The following TRA2A variants were observed in gnomAD, a reference collection of about 807,000 sequenced individuals.
TRA2A encodes transformer-2 protein homolog alpha.
In TRA2A, 31 loss-of-function variants were observed where a neutral mutation model predicts 45.7. That is an observed-to-expected ratio of 0.68 (90% CI 0.51 to 0.92). TRA2A has a LOEUF of 0.92. Among genes scored for constraint, TRA2A ranks in the 40% least tolerant of loss-of-function variants. The probability of loss-of-function intolerance (pLI) is 0.00; values close to 1 mark genes in which losing one functional copy is unlikely to be tolerated. For missense variants in TRA2A, 304 were observed against 367.5 expected, an observed-to-expected ratio of 0.83 and a Z score of 1.41; for synonymous variants, 132 against 126.2, an observed-to-expected ratio of 1.05 and a Z score of -0.31.
chr7:23,518,230 T>C (rs1343014844), intron 2 of TRA2A, among the ~76,000 whole-genome samples: 1 of 152,028 alleles, frequency 6.6e-6, no homozygotes, highest in African/African-American at 2.4e-5. Context: ...CATAAAGTTC[T>C]ACATTCCCCT....
At chr7:23,530,139 A>G (rs1289631367) in intron 1 of TRA2A, among the ~76,000 whole-genome samples, 1 of 152,200 alleles carries the variant, frequency 6.6e-6, no homozygotes, top group East Asian at 1.9e-4. Context: ...ATCGATAATT[A>G]CTCAACATTT....
intron 1 of TRA2A, among the ~76,000 whole-genome samples, chr7:23,523,061 C>A (rs1240342488): frequency 6.6e-6 from 1 of 152,070 alleles, no homozygotes; most frequent in Non-Finnish European, 1.5e-5. Flanking sequence ...AAAATTTCCC[C>A]ATTAGCTTAT....
At chr7:23,507,668 C>A in intron 4 of TRA2A, 133 bp from the exon 5 acceptor site, 1 of 674,132 alleles carries the variant, frequency 1.5e-6, no homozygotes, top group Non-Finnish European at 2.7e-6. Context: ...GTAGCTTGTA[C>A]AGGGCATTGT....
chr7:23,513,657 A>AT lies in TRA2A; in HGVS notation c.337-576dup, dbSNP rs1244842396. Reference sequence around the variant, plus strand: ...GTAAAGAAATAGCACTTGAACATACATTTTTTTAGTAAGGCCATTTTTATT... The same window carrying AT: ...GTAAAGAAATAGCACTTGAACATACATTTTTTTTAGTAAGGCCATTTTTATT... On this transcript the variant is annotated intron_variant, in intron 3 of 7. Transcript: ENST00000297071. 2.0e-5 allele frequency among the ~76,000 whole-genome samples: 3 copies of AT among 151,984 alleles called. No individual in the cohort carries two copies. In the East Asian group the frequency reaches 5.8e-4, roughly 29 times the overall value.
intron 5 of TRA2A, among the ~76,000 whole-genome samples, chr7:23,506,975 C>T (rs1042154951): frequency 1.3e-5 from 2 of 152,106 alleles, no homozygotes; most frequent in African/African-American, 4.8e-5. Flanking sequence ...CGGGGTTTCA[C>T]CGTGGTCCCG....
In TRA2A at chr7:23,509,055, A is replaced by G. The variant is rs1036218306; in HGVS notation, c.526-1520T>C. 2.0e-5 allele frequency among the ~76,000 whole-genome samples: 3 copies of G among 151,820 alleles called. No homozygotes were observed. The South Asian group carries it at 6.2e-4, about 32-fold the overall frequency. On this transcript the variant is annotated intron_variant, in intron 4 of 7. Coordinates refer to ENST00000297071, the MANE Select transcript of TRA2A (RefSeq NM_013293.5). ...AGACCAAGTCTCCCTATGTTTCCCC[A>G]GGCTGGTCTCAAACTCCTGGGCTCA...
At chr7:23,506,049 A>C in intron 6 of TRA2A, 89 bp downstream of exon 6, 1 of 1,179,088 alleles carries the variant, frequency 8.5e-7, no homozygotes, top group Non-Finnish European at 1.2e-6. Context: ...TTAAAAATCA[A>C]GTTTTTATTC....
intron 5 of TRA2A, chr7:23,507,089 G>A (rs187520701): frequency 3.5e-5 from 8 of 229,458 alleles, no homozygotes; most frequent in East Asian, 9.2e-5. Context: ...CAGCCAGGAG[G>A]GTTGTATATT....
chr7:23,526,309 C>A (rs1039166497), intron 1 of TRA2A, among the ~76,000 whole-genome samples: 1 of 152,150 alleles, frequency 6.6e-6, no homozygotes, highest in Non-Finnish European at 1.5e-5. Flanking sequence ...TAAGGCCAGG[C>A]AAATTCTATG....
chr7:23,505,794 AAGG>A lies in TRA2A; in HGVS notation c.787_789del (p.Pro263del), dbSNP rs756450533. 1.9e-6 allele frequency: 3 copies of A among 1,556,700 alleles called. No individual in the cohort carries two copies. The highest frequency in any genetic ancestry group is 2.6e-6 in the Non-Finnish European group (3 of 1,155,954). ...GATCGTGATCTATATCGACTATAATAAGGAGAAGGTGATCGTCTTCTGTAAGAA... is the reference window on the plus strand; with the variant it reads ...GATCGTGATCTATATCGACTATAATAAGAAGGTGATCGTCTTCTGTAAGAA... On this transcript the variant is annotated inframe_deletion, in exon 7 of 8. Coordinates refer to ENST00000297071, the MANE Select transcript of TRA2A (RefSeq NM_013293.5).
chr7:23,505,430 G>C lies in TRA2A; in HGVS notation c.*129C>G. On this transcript the variant is annotated 3_prime_UTR_variant, in exon 8 of 8. Coordinates refer to ENST00000297071, the MANE Select transcript of TRA2A (RefSeq NM_013293.5). The stretch of plus-strand genomic sequence containing the variant: ...CAGCAACACAACTGACAAAAGTGTA[G>C]ATGCTAAATAAACCAAAGTTTTTTT... The C allele has an allele frequency of 2.0e-6, 1 of 501,316 alleles. No individual in the cohort carries two copies. The highest frequency in any genetic ancestry group is 2.2e-5 in the African/African-American group (1 of 45,234). The allele number at this position is 501,316 out of a possible 1,614,324, so 31.1% of individuals were successfully genotyped here.
At chr7:23,520,772 A>G (rs1409818401) in intron 2 of TRA2A, among the ~76,000 whole-genome samples, 1 of 149,984 alleles carries the variant, frequency 6.7e-6, no homozygotes, top group African/African-American at 2.5e-5. Flanking sequence ...GGTTCACTGC[A>G]ACCTCCGCCT....
At chr7:23,523,981 T>G (rs899914401) in intron 1 of TRA2A, among the ~76,000 whole-genome samples, 4 of 152,236 alleles carry the variant, frequency 2.6e-5, no homozygotes, top group Admixed American at 2.6e-4. Context: ...CTACGAACGC[T>G]GCTACAGTCC....
chr7:23,515,452 C>A (rs1322221819), intron 3 of TRA2A, among the ~76,000 whole-genome samples: 1 of 151,914 alleles, frequency 6.6e-6, no homozygotes, highest in South Asian at 2.1e-4. Context: ...CTCCTGACCT[C>A]GTGATCCGCC....
At chr7:23,530,773 GT>G (rs2128002293) in intron 1 of TRA2A, among the ~76,000 whole-genome samples, 1 of 152,246 alleles carries the variant, frequency 6.6e-6, no homozygotes, top group East Asian at 1.9e-4. Flanking sequence ...GGGGGATAGA[GT>G]GAGAAGAGAA....
rs184688904 is a variant in TRA2A, at chr7:23,517,721, C to T, written c.171-1193G>A. Among the ~76,000 whole-genome samples the T allele has an allele frequency of 4.1e-3, 615 of 150,840 alleles. 4 individuals carry two copies. The highest frequency in any genetic ancestry group is 0.01 in the Middle Eastern group (3 of 286). ...GAGGTCAAGAGATCGAGACCATCCT[C>T]GCCAACATGGTAAAACCCTGTCTCT... On this transcript the variant is annotated intron_variant, in intron 2 of 7. Transcript: ENST00000297071.
At chr7:23,522,570 A>C (rs996542873) in intron 1 of TRA2A, 31 of 183,436 alleles carry the variant, frequency 1.7e-4, no homozygotes, top group Admixed American at 3.2e-4. Context: ...AAAAAAAAAA[A>C]AAAACAATTT....
chr7:23,517,064 C>T (rs1466154483), intron 2 of TRA2A, among the ~76,000 whole-genome samples: 2 of 151,826 alleles, frequency 1.3e-5, no homozygotes, highest in African/African-American at 2.4e-5. Flanking sequence ...GAGATTGCGC[C>T]ACCGCACTCC....
chr7:23,518,206 C>A (rs914993363), intron 2 of TRA2A, among the ~76,000 whole-genome samples: 15 of 152,012 alleles, frequency 9.9e-5, no homozygotes, highest in African/African-American at 3.6e-4. Flanking sequence ...CCAATTAAGC[C>A]AGTGTGCCTG....
Sources: gnomAD v4.1 joint callset for allele counts (sites outside exome capture counted in the v4.1 genomes callset) on GRCh38, gnomAD v4.1.1 for gene constraint, MANE v1.5 for transcripts, NCBI Gene and HGNC (gene_info 2026-07-23, HGNC 2026-07-21) for gene names.